TULP4: variants seen among roughly 807,000 people sequenced by gnomAD.
TULP4 encodes TUB like protein 4.
In TULP4, 16 loss-of-function variants were observed where a neutral mutation model predicts 129.0. The observed-to-expected ratio is 0.12, with a 90% confidence interval of 0.08 to 0.19. The LOEUF is 0.19. Ranked by LOEUF, TULP4 falls within the 10% of genes least tolerant of loss-of-function variation. TULP4 has a pLI of 1.00. For synonymous variants in TULP4, 998 were observed against 854.0 expected, an observed-to-expected ratio of 1.17 and a Z score of -2.94; for missense variants, 1,842 against 2,059.1, an observed-to-expected ratio of 0.89 and a Z score of 2.04.
rs35271582 is a variant in TULP4, at chr6:158,347,812, C to CT, written c.252+33550dup. On this transcript the variant is annotated intron_variant, in intron 1 of 13. Coordinates refer to ENST00000367097, the MANE Select transcript of TULP4 (RefSeq NM_020245.5). ...GCATCACAAGTTATCCCTTCTCCAC[C>CT]TTTTTTATCACTATTAGATTTTTTT... Among the ~76,000 whole-genome samples, 235 of 152,230 alleles carry CT rather than the reference C, an allele frequency of 1.5e-3. 6 individuals carry two copies. The East Asian group carries it at 0.043, about 28-fold the overall frequency.
At chr6:158,435,717 C>G (rs1175649670) in intron 3 of TULP4, among the ~76,000 whole-genome samples, 1 of 152,128 alleles carries the variant, frequency 6.6e-6, no homozygotes, top group Non-Finnish European at 1.5e-5. Flanking sequence ...ACCGTCACCA[C>G]CACCACCATG....
At chr6:158,297,688 C>G (rs925540521) in intron 1 of TULP4, among the ~76,000 whole-genome samples, 9 of 152,082 alleles carry the variant, frequency 5.9e-5, no homozygotes, top group African/African-American at 1.4e-4. Flanking sequence ...TCCCTCTGTT[C>G]GGGGTGCCTG....
At chr6:158,474,476 G>C (rs1187875029) in intron 6 of TULP4, among the ~76,000 whole-genome samples, 2 of 145,700 alleles carry the variant, frequency 1.4e-5, no homozygotes, top group African/African-American at 4.9e-5. Flanking sequence ...TAGTAATATA[G>C]TGAGGAAGCT....
intron 1 of TULP4, among the ~76,000 whole-genome samples, chr6:158,382,286 T>C (rs1392047956): frequency 6.6e-6 from 1 of 152,218 alleles, no homozygotes; most frequent in East Asian, 1.9e-4. Flanking sequence ...CCAGGGTCCC[T>C]GTGCCTGCTG....
intron 1 of TULP4, among the ~76,000 whole-genome samples, chr6:158,350,834 C>G (rs993902814): frequency 6.6e-6 from 1 of 151,700 alleles, no homozygotes; most frequent in African/African-American, 2.4e-5. Flanking sequence ...AATCTCGGCT[C>G]ACTGCAGCCT....
At chr6:158,475,005 A>G (rs1779786095) in intron 6 of TULP4, among the ~76,000 whole-genome samples, 1 of 152,256 alleles carries the variant, frequency 6.6e-6, no homozygotes, top group East Asian at 1.9e-4. Flanking sequence ...GGATCTGTCC[A>G]TTTGTATACA....
chr6:158,310,136 G>A (rs1189047193), upstream of TULP4, among the ~76,000 whole-genome samples: 2 of 152,078 alleles, frequency 1.3e-5, no homozygotes, highest in African/African-American at 4.8e-5. Context: ...CTGAGACTGG[G>A]TAATTTATAA....
chr6:158,356,138 A>G (rs1022762071), intron 1 of TULP4, among the ~76,000 whole-genome samples: 14 of 152,194 alleles, frequency 9.2e-5, no homozygotes, highest in South Asian at 4.1e-4. Context: ...TTAAAATTCA[A>G]TTTAGGTCTG....
In TULP4 at chr6:158,498,298, A is replaced by G. The variant is rs148140837; in HGVS notation, c.1871-371A>G. Among the ~76,000 whole-genome samples the G allele has an allele frequency of 4.3e-3, 662 of 152,346 alleles. 5 individuals are homozygous for G. The highest frequency in any genetic ancestry group is 0.012 in the South Asian group (57 of 4,826). The stretch of plus-strand genomic sequence containing the variant: ...TGGTTGTCACAACTATTTCCATTCA[A>G]TCATCCTTCTGACTGCAAATGAGGT... On this transcript the variant is annotated intron_variant, in intron 11 of 13. Transcript: ENST00000367097.
At chr6:158,385,175 G>C (rs1777411548) in intron 1 of TULP4, among the ~76,000 whole-genome samples, 1 of 152,040 alleles carries the variant, frequency 6.6e-6, no homozygotes, top group Admixed American at 6.6e-5. Flanking sequence ...TCACCTATTG[G>C]CTTTCTCCCT....
At chr6:158,411,525 C>T (rs1017593356) in intron 1 of TULP4, among the ~76,000 whole-genome samples, 1 of 152,204 alleles carries the variant, frequency 6.6e-6, no homozygotes, top group Admixed American at 6.5e-5. Context: ...AGATTGCAAC[C>T]TCACAGCTGC....
At chr6:158,460,475 T>A (rs1779398765) in intron 5 of TULP4, among the ~76,000 whole-genome samples, 2 of 152,052 alleles carry the variant, frequency 1.3e-5, no homozygotes, top group South Asian at 4.1e-4. Context: ...ATGTCATAAA[T>A]CTTATTAATA....
intron 1 of TULP4, chr6:158,237,548 T>C: frequency 6.4e-7 from 1 of 1,554,850 alleles, no homozygotes; most frequent in Non-Finnish European, 8.8e-7. Context: ...GCTCCCTGGG[T>C]CCCTTTTCCC....
intron 8 of TULP4, among the ~76,000 whole-genome samples, chr6:158,483,947 C>T (rs1401941201): frequency 6.7e-6 from 1 of 150,326 alleles, no homozygotes; most frequent in Non-Finnish European, 1.5e-5. Flanking sequence ...CAGACAGGGT[C>T]TCACGGTGTC....
At chr6:158,479,647 C>A (rs1013246483) in intron 6 of TULP4, 104 bp from the exon 7 acceptor site, 169 of 1,085,102 alleles carry the variant, frequency 1.6e-4, no homozygotes, top group Non-Finnish European at 2.2e-4. Context: ...CCAGTATTCT[C>A]AAAACAGCTT....
At chr6:158,491,635 G>A (rs1202560591) in intron 9 of TULP4, among the ~76,000 whole-genome samples, 1 of 151,510 alleles carries the variant, frequency 6.6e-6, no homozygotes, top group Non-Finnish European at 1.5e-5. Flanking sequence ...TGGGACTACA[G>A]GCTTGTGCCA....
chr6:158,467,343 G>C (rs960351713), intron 6 of TULP4, among the ~76,000 whole-genome samples: 1 of 148,870 alleles, frequency 6.7e-6, no homozygotes, highest in African/African-American at 2.5e-5. Context: ...GCAATGTTGC[G>C]ATCAGCGTTC....
At position 158,348,972 on chromosome 6, in the gene TULP4, C is replaced by G. The variant is rs1267581050; in HGVS notation, c.252+34704C>G. ...AAGGGCGGCCGGGCAGAGGCGCTCC[C>G]CATTTCCCAGATGGGGCAGCCGGGC... On this transcript the variant is annotated intron_variant, in intron 1 of 13. Transcript: ENST00000367097. 4.1e-5 allele frequency among the ~76,000 whole-genome samples: 4 copies of G among 97,106 alleles called. No individual in the cohort carries two copies. The East Asian group carries it at 1.4e-3, about 33-fold the overall frequency. 63.7% of individuals were successfully genotyped at this position (97,106 alleles called of 152,430 possible).
chr6:158,342,023 A>G (rs1055653688), intron 1 of TULP4, among the ~76,000 whole-genome samples: 2 of 152,178 alleles, frequency 1.3e-5, no homozygotes, highest in Admixed American at 6.5e-5. Flanking sequence ...GGTTTAAGCA[A>G]TTCTCCTGCC....
Sources: gnomAD v4.1 joint callset for allele counts (sites outside exome capture counted in the v4.1 genomes callset) on GRCh38, gnomAD v4.1.1 for gene constraint, MANE v1.5 for transcripts, NCBI Gene and HGNC (gene_info 2026-07-23, HGNC 2026-07-21) for gene names.